The following AGBL4 variants were observed in gnomAD, a reference collection of about 807,000 sequenced individuals.
AGBL4 encodes the protein cytosolic carboxypeptidase 6.
In AGBL4, 58 loss-of-function variants were observed where a neutral mutation model predicts 66.4. The ratio of observed to expected loss-of-function variants is 0.87; its 90% confidence interval spans 0.71 to 1.09. AGBL4 has a LOEUF of 1.09. Among genes scored for constraint, AGBL4 ranks in the 50% least tolerant of loss-of-function variants. The pLI, the probability that AGBL4 is intolerant of heterozygous loss-of-function variation, is 0.00. For missense variants in AGBL4, 579 were observed against 631.0 expected, an observed-to-expected ratio of 0.92 and a Z score of 0.88; for synonymous variants, 234 against 222.9, an observed-to-expected ratio of 1.05 and a Z score of -0.44.
intron 1 of AGBL4, among the ~76,000 whole-genome samples, chr1:49,906,219 A>T (rs982090836): frequency 5.3e-5 from 8 of 151,790 alleles, no homozygotes; most frequent in African/African-American, 1.9e-4. Flanking sequence ...CTATTTAGGA[A>T]ATAGTATTTA....
chr1:49,724,723 G>A (rs367699887), intron 2 of AGBL4, among the ~76,000 whole-genome samples: 1 of 152,076 alleles, frequency 6.6e-6, no homozygotes, highest in African/African-American at 2.4e-5. Flanking sequence ...GTGGGGCTCT[G>A]ATCCAACAGG....
intron 1 of AGBL4, among the ~76,000 whole-genome samples, chr1:49,981,267 G>A (rs1659033700): frequency 6.6e-6 from 1 of 152,092 alleles, no homozygotes; most frequent in Admixed American, 6.6e-5. Context: ...CCTGGAAAAT[G>A]TAGACAATGC....
chr1:49,308,435 CA>C (rs1021917067), intron 3 of AGBL4, among the ~76,000 whole-genome samples: 1 of 151,520 alleles, frequency 6.6e-6, no homozygotes, highest in African/African-American at 2.4e-5. Flanking sequence ...TGGGAAGAGG[CA>C]AAATGCAAGG....
At chr1:49,290,204 T>G (rs1644507410) in intron 3 of AGBL4, among the ~76,000 whole-genome samples, 1 of 152,220 alleles carries the variant, frequency 6.6e-6, no homozygotes, top group South Asian at 2.1e-4. Flanking sequence ...TTAAGTGACC[T>G]ATAACAACCT....
intron 2 of AGBL4, among the ~76,000 whole-genome samples, chr1:49,771,477 T>C (rs1363133760): frequency 6.6e-6 from 1 of 152,102 alleles, no homozygotes; most frequent in Non-Finnish European, 1.5e-5. Context: ...TCTGCAACTG[T>C]TGGATTGTTC....
intron 5 of AGBL4, among the ~76,000 whole-genome samples, chr1:48,930,928 A>G (rs1346285396): frequency 6.6e-6 from 1 of 152,198 alleles, no homozygotes; most frequent in African/African-American, 2.4e-5. Flanking sequence ...ATCTCATGGC[A>G]GATGTGGGAT....
intron 6 of AGBL4, among the ~76,000 whole-genome samples, chr1:48,782,011 A>G (rs988384165): frequency 2.0e-5 from 3 of 152,274 alleles, no homozygotes; most frequent in Admixed American, 1.3e-4. Context: ...TATTAAACAC[A>G]TGATAGAGTT....
intron 3 of AGBL4, among the ~76,000 whole-genome samples, chr1:49,301,364 T>TA (rs373973161): frequency 2.6e-5 from 4 of 152,342 alleles, no homozygotes; most frequent in African/African-American, 9.6e-5. Context: ...CATCACAAGC[T>TA]AACTGTCTTT....
At chr1:49,830,144 G>A (rs1301213878) in intron 2 of AGBL4, among the ~76,000 whole-genome samples, 1 of 152,172 alleles carries the variant, frequency 6.6e-6, no homozygotes, top group Non-Finnish European at 1.5e-5. Flanking sequence ...TAGTGGGATT[G>A]CTGGGTCCAA....
chr1:49,251,611 C>T (rs1291394682), intron 3 of AGBL4, among the ~76,000 whole-genome samples: 1 of 152,236 alleles, frequency 6.6e-6, no homozygotes, highest in East Asian at 1.9e-4. Context: ...GGCCCTGCCT[C>T]TTCACAAACT....
intron 4 of AGBL4, among the ~76,000 whole-genome samples, chr1:49,230,112 T>C (rs1386669086): frequency 6.6e-6 from 1 of 152,206 alleles, no homozygotes; most frequent in Non-Finnish European, 1.5e-5. Flanking sequence ...GCTACCCATG[T>C]AGCTGCTCAG....
chr1:49,586,603 T>G (rs1039184982), intron 3 of AGBL4, among the ~76,000 whole-genome samples: 1 of 152,116 alleles, frequency 6.6e-6, no homozygotes, highest in Non-Finnish European at 1.5e-5. Context: ...CTGCTCAGCA[T>G]GAACATAGTA....
At chr1:49,507,122 C>T (rs1045437033) in intron 3 of AGBL4, among the ~76,000 whole-genome samples, 5 of 152,012 alleles carry the variant, frequency 3.3e-5, no homozygotes, top group African/African-American at 1.2e-4. Flanking sequence ...GTCCAGCTAT[C>T]CTGCTAGAGA....
intron 4 of AGBL4, among the ~76,000 whole-genome samples, chr1:49,085,692 T>G (rs541679493): frequency 2.0e-5 from 3 of 152,082 alleles, no homozygotes; most frequent in African/African-American, 7.2e-5. Flanking sequence ...CTGGGCTCAG[T>G]GCTGAGGCAG....
At position 48,633,685 on chromosome 1, in the gene AGBL4, C is replaced by G. The variant is rs550762557; in HGVS notation, c.951+808G>C. 8.5e-5 allele frequency among the ~76,000 whole-genome samples: 13 copies of G among 152,318 alleles called. No homozygotes were observed. In the South Asian group the frequency reaches 1.5e-3, roughly 17 times the overall value. On this transcript the variant is annotated intron_variant, in intron 9 of 13. Coordinates refer to ENST00000371839, the MANE Select transcript of AGBL4 (RefSeq NM_032785.4). ...CACCTGAAAAAATGGTCTGTCCCCC[C>G]ATTCTGCGATAGCTCTTCAGAGACA...
chr1:49,299,647 A>G (rs905536511), intron 3 of AGBL4, among the ~76,000 whole-genome samples: 1 of 152,162 alleles, frequency 6.6e-6, no homozygotes, highest in South Asian at 2.1e-4. Flanking sequence ...GTCCTGTCAC[A>G]ATAGCTAGGA....
chr1:49,203,018 TAATCATCAGAAA>T (rs1647837085), intron 4 of AGBL4, among the ~76,000 whole-genome samples: 1 of 148,012 alleles, frequency 6.8e-6, no homozygotes, highest in Non-Finnish European at 1.5e-5. Context: ...TCAACATCAC[TAATCATCAGAAA>T]AATGCAAATC....
chr1:50,019,441 T>C (rs918849357), intron 1 of AGBL4, among the ~76,000 whole-genome samples: 24 of 151,902 alleles, frequency 1.6e-4, no homozygotes, highest in Non-Finnish European at 3.1e-4. Context: ...GTAGCTGTTA[T>C]TATCCCCAGT....
At chr1:49,012,260 C>G (rs902314639) in intron 5 of AGBL4, among the ~76,000 whole-genome samples, 8 of 152,046 alleles carry the variant, frequency 5.3e-5, no homozygotes, top group African/African-American at 1.9e-4. Context: ...ACTATCTGCT[C>G]TCTTAAAAAG....
Sources: gnomAD v4.1 joint callset for allele counts (sites outside exome capture counted in the v4.1 genomes callset) on GRCh38, gnomAD v4.1.1 for gene constraint, MANE v1.5 for transcripts, NCBI Gene and HGNC (gene_info 2026-07-23, HGNC 2026-07-21) for gene names.